Variants in VSTM2L observed in about 807,000 individuals in gnomAD.
VSTM2L encodes the protein V-set and transmembrane domain-containing protein 2-like protein.
VSTM2L carries 9 observed loss-of-function variants against 19.9 expected under a neutral mutation model. That is an observed-to-expected ratio of 0.45 (90% CI 0.27 to 0.79). VSTM2L has a LOEUF of 0.79. Among genes scored for constraint, VSTM2L ranks in the 30% least tolerant of loss-of-function variants. The pLI is 0.15. For missense variants in VSTM2L, 286 were observed against 295.5 expected, an observed-to-expected ratio of 0.97 and a Z score of 0.24; for synonymous variants, 127 against 133.8, an observed-to-expected ratio of 0.95 and a Z score of 0.35.
rs146811947 is a variant in VSTM2L at position 37,923,342 on chromosome 20, G to T, written c.122-8293G>T. Among the ~76,000 whole-genome samples the T allele has an allele frequency of 5.6e-4, 86 of 152,238 alleles. No individual in the cohort carries two copies. In the East Asian group the frequency reaches 0.015, roughly 27 times the overall value. ...CCCAGAAGCCAAACCCAGTGGCTCC[G>T]GCCAGAGCCACAGAGCCATTTCCTG... On this transcript the variant is annotated intron_variant, in intron 1 of 3. Transcript: ENST00000373461.
intron 1 of VSTM2L, among the ~76,000 whole-genome samples, chr20:37,918,840 G>A (rs1001753119): frequency 6.6e-6 from 1 of 152,056 alleles, no homozygotes; most frequent in Non-Finnish European, 1.5e-5. Flanking sequence ...AGGCAGACAC[G>A]AGCCTATCTT....
chr20:37,931,591 T>A, intron 1 of VSTM2L, 44 bp from the exon 2 acceptor site: 1 of 1,540,196 alleles, frequency 6.5e-7, no homozygotes, highest in Non-Finnish European at 8.8e-7. Flanking sequence ...ACTAGCCCCG[T>A]GGTTTCCTGA....
chr20:37,939,331 T>G (rs1355611637), intron 3 of VSTM2L, among the ~76,000 whole-genome samples: 1 of 151,706 alleles, frequency 6.6e-6, no homozygotes, highest in Non-Finnish European at 1.5e-5. Context: ...AGCGGGAGGA[T>G]TGCTTGAGCC....
intron 1 of VSTM2L, among the ~76,000 whole-genome samples, chr20:37,905,587 T>G (rs2072747573): frequency 6.6e-6 from 1 of 152,144 alleles, no homozygotes; most frequent in East Asian, 1.9e-4. Flanking sequence ...GCTTCTCTCC[T>G]GAAACCCCCG....
chr20:37,936,096 A>G (rs1222495189), intron 3 of VSTM2L, among the ~76,000 whole-genome samples: 5 of 145,258 alleles, frequency 3.4e-5, no homozygotes, highest in Non-Finnish European at 6.0e-5. Flanking sequence ...GGGTTTCACC[A>G]TGTTGACCAG....
intron 3 of VSTM2L, among the ~76,000 whole-genome samples, chr20:37,936,839 T>C (rs573981044): frequency 6.6e-6 from 1 of 152,082 alleles, no homozygotes; most frequent in East Asian, 1.9e-4. Context: ...GTGACAGTGG[T>C]TCCTAGGGTG....
chr20:37,932,495 A>G (rs2072916604), intron 2 of VSTM2L, among the ~76,000 whole-genome samples: 1 of 151,994 alleles, frequency 6.6e-6, no homozygotes, highest in Admixed American at 6.5e-5. Context: ...AGCAGCCCCC[A>G]CCAATGACCC....
At chr20:37,903,552 G>C (rs2072733893) in intron 1 of VSTM2L, 81 bp downstream of exon 1, 1 of 1,325,008 alleles carries the variant, frequency 7.5e-7, no homozygotes, top group Non-Finnish European at 9.6e-7. Flanking sequence ...CCGCCCCGGG[G>C]CTCGAACCGG....
intron 3 of VSTM2L, among the ~76,000 whole-genome samples, chr20:37,935,191 A>G (rs888878943): frequency 4.6e-5 from 7 of 152,182 alleles, no homozygotes; most frequent in African/African-American, 1.7e-4. Context: ...TAAATAAAAT[A>G]AATGTGCTCA....
At chr20:37,929,564 A>G (rs2072897094) in intron 1 of VSTM2L, among the ~76,000 whole-genome samples, 3 of 152,156 alleles carry the variant, frequency 2.0e-5, no homozygotes. Flanking sequence ...TGGTGAGTAG[A>G]GCAGGGACAG....
At chr20:37,914,296 G>A (rs936144224) in intron 1 of VSTM2L, among the ~76,000 whole-genome samples, 1 of 82,094 alleles carries the variant, frequency 1.2e-5, no homozygotes, top group African/African-American at 3.9e-5. Flanking sequence ...GTGTGGGTGT[G>A]TGGGTGTGTG....
chr20:37,923,342 G>A (rs146811947), intron 1 of VSTM2L, among the ~76,000 whole-genome samples: 3 of 152,120 alleles, frequency 2.0e-5, no homozygotes, highest in African/African-American at 7.2e-5. Flanking sequence ...CAGTGGCTCC[G>A]GCCAGAGCCA....
At chr20:37,903,605 G>C in intron 1 of VSTM2L, 134 bp downstream of exon 1, 1 of 1,271,600 alleles carries the variant, frequency 7.9e-7, no homozygotes, top group Non-Finnish European at 1.0e-6. Flanking sequence ...CTGCCGGCGC[G>C]GTGGACCCGC....
At chr20:37,938,917 A>T (rs2072955728) in intron 3 of VSTM2L, among the ~76,000 whole-genome samples, 1 of 152,084 alleles carries the variant, frequency 6.6e-6, no homozygotes, top group Non-Finnish European at 1.5e-5. Flanking sequence ...GGGTTTTCCC[A>T]AGACATGGAG....
At position 37,943,420 on chromosome 20, in the gene VSTM2L, C is replaced by T. The variant is rs1427858291; in HGVS notation, c.343-561C>T. 1.1e-4 allele frequency among the ~76,000 whole-genome samples: 15 copies of T among 138,070 alleles called. No homozygotes were observed. The South Asian group carries it at 1.7e-3, about 16-fold the overall frequency. The allele number at this position is 138,070 out of a possible 152,430, so 90.6% of individuals were successfully genotyped here. On this transcript the variant is annotated intron_variant, in intron 3 of 3. Transcript: ENST00000373461. ...TCTCCTGAGTAGCTGGGACTGCAGG[C>T]GCCTCTATTTTTTTTTTTTTTTTTT...
Position 37,903,485 on chromosome 20 carries a change from C to G in VSTM2L, c.121+14C>G, listed in dbSNP as rs770497583. 2.2e-5 allele frequency: 32 copies of G among 1,467,344 alleles called. No individual in the cohort carries two copies. Among genetic ancestry groups the G allele is most frequent in the Non-Finnish European group, 9.0e-7 (1 of 1,115,162 alleles). The allele number at this position is 1,467,344 out of a possible 1,614,324, so 90.9% of individuals were successfully genotyped here. A position where few individuals can be genotyped will look rare whatever the true frequency, so the allele number is the denominator to read the frequency against. On this transcript the variant is annotated intron_variant, in intron 1 of 3. Coordinates refer to ENST00000373461, the MANE Select transcript of VSTM2L (RefSeq NM_080607.3). Reference sequence around the variant, plus strand: ...TCTCCGGCCACGGTGAGTTCGGTCGCCGCCCCCGCGGACTTCCCCACCAAA... The same window carrying G: ...TCTCCGGCCACGGTGAGTTCGGTCGGCGCCCCCGCGGACTTCCCCACCAAA...
At chr20:37,939,129 G>A (rs1018324204) in intron 3 of VSTM2L, among the ~76,000 whole-genome samples, 1 of 152,196 alleles carries the variant, frequency 6.6e-6, no homozygotes, top group Admixed American at 6.5e-5. Context: ...GCTTGGCTGG[G>A]CGCGGTGGCT....
At chr20:37,935,970 C>T (rs941533357) in intron 3 of VSTM2L, among the ~76,000 whole-genome samples, 5 of 151,548 alleles carry the variant, frequency 3.3e-5, no homozygotes, top group South Asian at 4.2e-4. Context: ...TTGCAACCTC[C>T]GCCTCCTGAG....
At chr20:37,920,362 T>C (rs371031580) in intron 1 of VSTM2L, among the ~76,000 whole-genome samples, 15 of 152,286 alleles carry the variant, frequency 9.8e-5, no homozygotes, top group African/African-American at 3.6e-4. Flanking sequence ...TGGGCTCCAA[T>C]CAGAAAGATG....
Sources: gnomAD v4.1 joint callset for allele counts (sites outside exome capture counted in the v4.1 genomes callset) on GRCh38, gnomAD v4.1.1 for gene constraint, MANE v1.5 for transcripts, NCBI Gene and HGNC (gene_info 2026-07-23, HGNC 2026-07-21) for gene names.